TMEM117: variants seen among roughly 807,000 people sequenced by gnomAD.
The protein encoded by TMEM117 is transmembrane protein 117.
A neutral mutation model predicts 52.4 loss-of-function variants in TMEM117; 27 were observed. The ratio of observed to expected loss-of-function variants is 0.51; its 90% CI spans 0.38 to 0.71. The LOEUF (loss-of-function observed/expected upper bound fraction) is 0.71. Among genes scored for constraint, TMEM117 ranks in the 30% least tolerant of loss-of-function variants. The pLI, the probability that TMEM117 is intolerant of heterozygous loss-of-function variation, is 0.00. For synonymous variants in TMEM117, 215 were observed against 206.3 expected (o/e 1.04, Z -0.36); for missense variants, 556 against 630.5 (o/e 0.88, Z 1.26).
chr12:43,998,365 A>G (rs1336977434), intron 3 of TMEM117, among the ~76,000 whole-genome samples: 3 of 152,174 alleles, frequency 2.0e-5, no homozygotes, highest in Non-Finnish European at 2.9e-5. Flanking sequence ...TTTAATCTAT[A>G]TGTCTTTATA....
At chr12:44,236,929 C>T (rs1000540817) in intron 5 of TMEM117, among the ~76,000 whole-genome samples, 1 of 151,936 alleles carries the variant, frequency 6.6e-6, no homozygotes, top group Non-Finnish European at 1.5e-5. Context: ...AACTTAAAGT[C>T]AGGAAGGAAT....
At chr12:43,956,861 C>G (rs531201936) in intron 3 of TMEM117, among the ~76,000 whole-genome samples, 1 of 152,198 alleles carries the variant, frequency 6.6e-6, no homozygotes, top group South Asian at 2.1e-4. Context: ...CACCTATGTT[C>G]ATTGCAGCAC....
chr12:44,181,297 G>A (rs1483765683), intron 4 of TMEM117, among the ~76,000 whole-genome samples: 1 of 151,964 alleles, frequency 6.6e-6, no homozygotes, highest in Non-Finnish European at 1.5e-5. Context: ...CTCCCATTCT[G>A]TAGGTTGCCT....
At chr12:43,915,266 C>G (rs4768053) in intron 2 of TMEM117, among the ~76,000 whole-genome samples, 108,929 of 152,010 alleles carry the variant, frequency 0.72, 42,187 homozygotes, top group East Asian at 0.86. Context: ...ATATTCCCAT[C>G]ATGAGTCATT....
intron 6 of TMEM117, among the ~76,000 whole-genome samples, chr12:44,350,005 C>G (rs1420717946): frequency 6.6e-6 from 1 of 151,964 alleles, no homozygotes; most frequent in Non-Finnish European, 1.5e-5. Flanking sequence ...AATGGGTCGT[C>G]AGAGAAGTGG....
chr12:43,976,413 G>A (rs1208710668), intron 3 of TMEM117, among the ~76,000 whole-genome samples: 1 of 152,010 alleles, frequency 6.6e-6, no homozygotes, highest in Non-Finnish European at 1.5e-5. Flanking sequence ...CCCCTAAGCT[G>A]GCAACGCTCA....
chr12:43,837,020 A>G (rs1201314513), intron 1 of TMEM117, among the ~76,000 whole-genome samples: 2 of 152,010 alleles, frequency 1.3e-5, no homozygotes, highest in Non-Finnish European at 2.9e-5. Flanking sequence ...ATTGAATATA[A>G]AAGTAGTTGA....
upstream of TMEM117, among the ~76,000 whole-genome samples, chr12:43,832,386 T>C (rs1284242964): frequency 6.6e-6 from 1 of 152,186 alleles, no homozygotes; most frequent in Non-Finnish European, 1.5e-5. Flanking sequence ...TGTGTGGTAG[T>C]GATTGGGATG....
intron 3 of TMEM117, among the ~76,000 whole-genome samples, chr12:44,107,257 A>T (rs936164625): frequency 1.2e-4 from 19 of 152,236 alleles, no homozygotes; most frequent in Non-Finnish European, 2.1e-4. Context: ...TGGGGCAAGG[A>T]TTTGAACCTA....
chr12:44,282,535 G>A (rs1950590921), intron 5 of TMEM117, among the ~76,000 whole-genome samples: 2 of 152,164 alleles, frequency 1.3e-5, no homozygotes. Flanking sequence ...ACGTCATTTT[G>A]CCCCTGCCCT....
At chr12:43,872,679 C>T (rs1035124182) in intron 2 of TMEM117, among the ~76,000 whole-genome samples, 1 of 152,186 alleles carries the variant, frequency 6.6e-6, no homozygotes, top group African/African-American at 2.4e-5. Flanking sequence ...ATTTTTGAAT[C>T]TTTCCATCTT....
At chr12:44,054,864 T>A (rs1947029562) in intron 3 of TMEM117, among the ~76,000 whole-genome samples, 1 of 152,048 alleles carries the variant, frequency 6.6e-6, no homozygotes, top group South Asian at 2.1e-4. Context: ...TTACATTAGG[T>A]ATGTCTCCTA....
chr12:44,312,569 T>C (rs561345694), intron 6 of TMEM117, among the ~76,000 whole-genome samples: 5 of 152,294 alleles, frequency 3.3e-5, no homozygotes, highest in African/African-American at 9.6e-5. Flanking sequence ...CTGTGATACA[T>C]ATGTGAGTGC....
intron 6 of TMEM117, among the ~76,000 whole-genome samples, chr12:44,355,965 C>T (rs1008224367): frequency 2.0e-5 from 3 of 151,886 alleles, no homozygotes; most frequent in African/African-American, 7.3e-5. Context: ...CAGCATCTTC[C>T]AAGCAGGTTC....
chr12:44,347,564 T>G (rs1951504617), intron 6 of TMEM117, among the ~76,000 whole-genome samples: 1 of 152,016 alleles, frequency 6.6e-6, no homozygotes, highest in South Asian at 2.1e-4. Flanking sequence ...GGAGAGACAA[T>G]CATCAAGATC....
At chr12:43,849,534 G>A (rs1943269099) in intron 2 of TMEM117, among the ~76,000 whole-genome samples, 1 of 152,048 alleles carries the variant, frequency 6.6e-6, no homozygotes, top group African/African-American at 2.4e-5. Context: ...AATTCTCCTG[G>A]TGGTATAAGT....
chr12:44,245,057 T>C (rs1051791701), intron 5 of TMEM117, among the ~76,000 whole-genome samples: 1 of 152,112 alleles, frequency 6.6e-6, no homozygotes, highest in African/African-American at 2.4e-5. Context: ...GTGTGTCTAT[T>C]TTATGTTAGT....
At chr12:44,015,785 T>C (rs1186100062) in intron 3 of TMEM117, among the ~76,000 whole-genome samples, 1 of 152,208 alleles carries the variant, frequency 6.6e-6, no homozygotes, top group African/African-American at 2.4e-5. Flanking sequence ...GATTTGTTTG[T>C]TATGTGAAGG....
At chr12:44,328,773 A>C (rs1951229214) in intron 6 of TMEM117, among the ~76,000 whole-genome samples, 1 of 152,114 alleles carries the variant, frequency 6.6e-6, no homozygotes, top group Non-Finnish European at 1.5e-5. Context: ...ATTCAAAAAA[A>C]CCAATGTAAT....
Sources: gnomAD v4.1 joint callset for allele counts (sites outside exome capture counted in the v4.1 genomes callset) on GRCh38, gnomAD v4.1.1 for gene constraint, MANE v1.5 for transcripts, NCBI Gene and HGNC (gene_info 2026-07-23, HGNC 2026-07-21) for gene names.